The following FAM89A variants were observed in gnomAD, a reference collection of about 807,000 sequenced individuals.
FAM89A encodes protein FAM89A.
Under a neutral mutation model 7.1 loss-of-function variants are expected in FAM89A, and 10 were observed. That is an observed-to-expected ratio of 1.40 (90% confidence interval 0.86 to 2.38). FAM89A has a LOEUF of 2.38. FAM89A is among the 30% of genes most tolerant of loss of function. The pLI, the probability that FAM89A is intolerant of heterozygous loss-of-function variation, is 0.00. For missense variants in FAM89A, 276 were observed against 262.8 expected (o/e 1.05, Z -0.35); for synonymous variants, 157 against 129.3 (o/e 1.21, Z -1.45).
At chr1:231,027,088 G>C (rs1679988235) in intron 1 of FAM89A, 1 of 152,174 alleles carries the variant, frequency 6.6e-6, no homozygotes, top group Non-Finnish European at 1.5e-5. Context: ...TTTGAGGTCG[G>C]CCCAGGTAAA....
At chr1:231,020,269 G>C (rs997782058) in intron 1 of FAM89A, 143 bp from the exon 2 acceptor site, 22 of 904,568 alleles carry the variant, frequency 2.4e-5, no homozygotes, top group African/African-American at 3.4e-5. Context: ...GGATGCTTTG[G>C]ATTTCCAGTT....
intron 1 of FAM89A, chr1:231,021,751 T>G (rs998656842): frequency 1.2e-6 from 2 of 1,602,310 alleles, no homozygotes; most frequent in Non-Finnish European, 1.7e-6. Flanking sequence ...ATGAAATTGT[T>G]GACCTCACTT....
Position 231,034,255 on chromosome 1 carries a change from C to T in FAM89A, c.291+5666G>A, listed in dbSNP as rs184354646. 5.9e-3 allele frequency among the ~76,000 whole-genome samples: 898 copies of T among 152,318 alleles called. 3 individuals carry two copies. The highest frequency in any genetic ancestry group is 0.01 in the Non-Finnish European group (683 of 68,028). Reference sequence around the variant, plus strand: ...CCAAAAGTTATGACAGAGCCAACTTCTTCTGTAGGCATCAGAAAGAACCAT... The same window carrying T: ...CCAAAAGTTATGACAGAGCCAACTTTTTCTGTAGGCATCAGAAAGAACCAT... On this transcript the variant is annotated intron_variant, in intron 1 of 1. Coordinates refer to ENST00000366654, the MANE Select transcript of FAM89A (RefSeq NM_198552.3).
intron 1 of FAM89A, among the ~76,000 whole-genome samples, chr1:231,035,568 C>T (rs1299727119): frequency 1.3e-5 from 2 of 152,162 alleles, no homozygotes; most frequent in Non-Finnish European, 1.5e-5. Context: ...GATCTAACCT[C>T]GCACGGGTGC....
chr1:231,039,876 G>C, intron 1 of FAM89A, 45 bp downstream of exon 1: 1 of 1,277,686 alleles, frequency 7.8e-7, no homozygotes, highest in Non-Finnish European at 9.9e-7. Context: ...TCCCGGGACG[G>C]CGAGCCCGGC....
chr1:231,023,096 G>A (rs1679907967), intron 1 of FAM89A, among the ~76,000 whole-genome samples: 1 of 150,318 alleles, frequency 6.7e-6, no homozygotes, highest in South Asian at 2.1e-4. Flanking sequence ...TAGATACTGA[G>A]AGGTGGTGGC....
At chr1:231,020,221 C>T in intron 1 of FAM89A, 95 bp from the exon 2 acceptor site, 1 of 1,272,498 alleles carries the variant, frequency 7.9e-7, no homozygotes, top group Non-Finnish European at 1.1e-6. Flanking sequence ...CCTGCCAGCA[C>T]ATTCCTTCCA....
Position 231,019,956 on chromosome 1 carries a change from G to A in FAM89A, c.462C>T (p.Ser154=). The change falls in exon 2 of 2, where the codon TCC becomes TCT. Residue 154 remains serine, a synonymous_variant. Coordinates refer to ENST00000366654, the MANE Select transcript of FAM89A (RefSeq NM_198552.3). ...GGCCTCGGTCCCTCCTGTCGTGCAG[G>A]GAGTTCTGCTCCTGGAAATATTCCT... ...EEEEYFQEQN[S]LHDRRDRGPP... 1 of 1,614,160 alleles carries A rather than the reference G, an allele frequency of 6.2e-7. No individual in the cohort carries two copies. The highest frequency in any genetic ancestry group is 8.5e-7 in the Non-Finnish European group (1 of 1,180,028).
At chr1:231,024,129 C>T (rs12047546) in intron 1 of FAM89A, among the ~76,000 whole-genome samples, 100,558 of 151,650 alleles carry the variant, frequency 0.66, 33,526 homozygotes, top group Admixed American at 0.7. Context: ...ATTTAAACTA[C>T]ATCCATGGAT....
intron 1 of FAM89A, among the ~76,000 whole-genome samples, chr1:231,038,466 C>T (rs1382325925): frequency 6.6e-6 from 1 of 152,230 alleles, no homozygotes; most frequent in African/African-American, 2.4e-5. Context: ...CAAAGATGAT[C>T]TTCCTACTTC....
intron 1 of FAM89A, among the ~76,000 whole-genome samples, chr1:231,027,168 T>C (rs1322566556): frequency 1.3e-5 from 2 of 152,144 alleles, no homozygotes; most frequent in African/African-American, 4.8e-5. Context: ...GCCAGACACG[T>C]GGCTCCAGGC....
chr1:231,020,208 G>C, intron 1 of FAM89A, 82 bp from the exon 2 acceptor site: 1 of 1,362,902 alleles, frequency 7.3e-7, no homozygotes, highest in Non-Finnish European at 9.9e-7. Flanking sequence ...CCGGCGATCT[G>C]CGCCTGCCAG....
chr1:231,027,466 G>A (rs748086697), intron 1 of FAM89A, among the ~76,000 whole-genome samples: 4 of 151,968 alleles, frequency 2.6e-5, no homozygotes, highest in Non-Finnish European at 5.9e-5. Flanking sequence ...ATATGCACAC[G>A]CACACACACG....
At chr1:231,027,353 G>T (rs1679991653) in intron 1 of FAM89A, among the ~76,000 whole-genome samples, 1 of 152,166 alleles carries the variant, frequency 6.6e-6, no homozygotes, top group African/African-American at 2.4e-5. Flanking sequence ...AAGGAATCCT[G>T]ACCGCCTAGG....
chr1:231,040,242 G>A lies in FAM89A; in HGVS notation c.-31C>T, dbSNP rs1008463542. The A allele has an allele frequency of 2.0e-5, 21 of 1,028,726 alleles. No homozygotes were observed. The African/African-American group carries it at 2.1e-4, about 10-fold the overall frequency. The allele number at this position is 1,028,726 out of a possible 1,614,324, so 63.7% of individuals were successfully genotyped here. Reference sequence around the variant, plus strand: ...CGCGGCCCGGCCACGCGCCTGCCCCGCTGCAGCGAACCAAGGCTTTCCCCC... The same window carrying A: ...CGCGGCCCGGCCACGCGCCTGCCCCACTGCAGCGAACCAAGGCTTTCCCCC... On this transcript the variant is annotated 5_prime_UTR_variant, in exon 1 of 2. Coordinates refer to ENST00000366654, the MANE Select transcript of FAM89A (RefSeq NM_198552.3).
At chr1:231,038,113 C>T (rs1299803516) in intron 1 of FAM89A, among the ~76,000 whole-genome samples, 2 of 152,212 alleles carry the variant, frequency 1.3e-5, no homozygotes, top group Non-Finnish European at 2.9e-5. Flanking sequence ...ATTCTCTGGG[C>T]AACTTTAAAG....
intron 1 of FAM89A, 42 bp from the exon 2 acceptor site, chr1:231,020,168 A>C (rs1679848737): frequency 6.5e-7 from 1 of 1,547,990 alleles, no homozygotes; most frequent in Non-Finnish European, 8.7e-7. Flanking sequence ...AGAAGTCAGC[A>C]CTTGAGTTTA....
intron 1 of FAM89A, among the ~76,000 whole-genome samples, chr1:231,032,159 T>C (rs1680081666): frequency 6.6e-6 from 1 of 152,222 alleles, no homozygotes; most frequent in Admixed American, 6.5e-5. Flanking sequence ...GATTTAACAG[T>C]CATACTGCAA....
intron 1 of FAM89A, chr1:231,022,019 G>A: frequency 7.4e-7 from 1 of 1,347,384 alleles, no homozygotes; most frequent in Non-Finnish European, 1.1e-6. Flanking sequence ...TATCTGCATG[G>A]ACAGATATTC....
Sources: gnomAD v4.1 joint callset for allele counts (sites outside exome capture counted in the v4.1 genomes callset) on GRCh38, gnomAD v4.1.1 for gene constraint, MANE v1.5 for transcripts, NCBI Gene and HGNC (gene_info 2026-07-23, HGNC 2026-07-21) for gene names.